The following VIPR2 variants were observed in gnomAD, a reference collection of about 807,000 sequenced individuals.
VIPR2 encodes the protein vasoactive intestinal peptide receptor 2.
VIPR2 carries 48 observed loss-of-function variants against 58.0 expected under a neutral mutation model. The observed-to-expected ratio is 0.83, with a 90% CI of 0.66 to 1.05. VIPR2 has a LOEUF of 1.05. Ranked by LOEUF, VIPR2 falls within the 50% of genes least tolerant of loss-of-function variation. The pLI is 0.00. For missense variants in VIPR2, 534 were observed against 558.0 expected (o/e 0.96, Z 0.43); for synonymous variants, 243 against 235.2 (o/e 1.03, Z -0.30).
At chr7:159,062,161 C>T (rs2129494167) in intron 4 of VIPR2, among the ~76,000 whole-genome samples, 1 of 152,276 alleles carries the variant, frequency 6.6e-6, no homozygotes, top group Admixed American at 6.5e-5. Flanking sequence ...GCGGGCCTTC[C>T]CGACGGAGAC....
At chr7:159,138,271 G>C (rs963458025) in intron 2 of VIPR2, among the ~76,000 whole-genome samples, 7 of 152,204 alleles carry the variant, frequency 4.6e-5, no homozygotes, top group African/African-American at 1.4e-4. Context: ...CTCTGACAAA[G>C]AGAAACAAGC....
At chr7:159,062,536 C>CATTCCTCCCGCCCAGAGTTACTT (rs1855753119) in intron 4 of VIPR2, among the ~76,000 whole-genome samples, 1 of 152,006 alleles carries the variant, frequency 6.6e-6, no homozygotes, top group African/African-American at 2.4e-5. Context: ...TGGAGTTGTT[C>CATTCCTCCCGCCCAGAGTTACTT]ATTCCTCCCG....
intron 2 of VIPR2, among the ~76,000 whole-genome samples, chr7:159,131,826 C>A (rs1211107566): frequency 6.6e-6 from 1 of 152,192 alleles, no homozygotes; most frequent in South Asian, 2.1e-4. Context: ...AGTCAGGTCT[C>A]AAATTACCTC....
chr7:159,144,783 C>CGT lies in VIPR2; in HGVS notation c.-14_-13dup, dbSNP rs921617919. ...AGCAGCGTCCGCATCCCGAGCTCAG[C>CGT]GTGCCGGGGGCCGCCCAGCGCCCGC... is the stretch of plus-strand genomic sequence containing the variant. On this transcript the variant is annotated 5_prime_UTR_variant, in exon 1 of 13. An upstream open reading frame in the 5' UTR loses its in-frame stop. Transcript: ENST00000262178. 1 of 1,245,846 alleles carries CGT rather than the reference C, an allele frequency of 8.0e-7. No homozygotes were observed. The highest frequency in any genetic ancestry group is 1.6e-5 in the African/African-American group (1 of 64,438). The allele number at this position is 1,245,846 out of a possible 1,614,324, so 77.2% of individuals were successfully genotyped here. A position where few individuals can be genotyped will look rare whatever the true frequency, so the allele number is the denominator to read the frequency against.
At position 159,135,004 on chromosome 7, in the gene VIPR2, G is replaced by GTTTTTTTTTTTTTTT. The variant is rs747914292; in HGVS notation, c.151+7427_151+7441dup. Among the ~76,000 whole-genome samples, 53 of 65,936 alleles carry GTTTTTTTTTTTTTTT rather than the reference G, an allele frequency of 8.0e-4. 1 individual carries two copies. Among genetic ancestry groups the GTTTTTTTTTTTTTTT allele is most frequent in the Non-Finnish European group, 1.0e-3 (37 of 35,280 alleles). 43.3% of individuals were successfully genotyped at this position (65,936 alleles called of 152,430 possible). ...TATTGGTCTTCTCTTAATTACAAAA[G>GTTTTTTTTTTTTTTT]TTTTTTTTTTTTTTTTTTTTTTTTT... On this transcript the variant is annotated intron_variant, in intron 2 of 12. Transcript: ENST00000262178.
Position 159,096,511 on chromosome 7 carries a change from C to G in VIPR2, c.357+7246G>C, listed in dbSNP as rs1007529507. Among the ~76,000 whole-genome samples the G allele has an allele frequency of 6.6e-6, 1 of 152,220 alleles. No homozygotes were observed. Among genetic ancestry groups the G allele is most frequent in the Non-Finnish European group, 1.5e-5 (1 of 68,034 alleles). ...CTCCCTCCCATTAGGAGAATCTTCC[C>G]TAGCGGATTCCTTTAGAACTTAAAG... is the stretch of plus-strand genomic sequence containing the variant. On this transcript the variant is annotated intron_variant, in intron 4 of 12. Transcript: ENST00000262178. This position sits in a 1 kb window ranked among gnomAD's most constrained non-coding sequence, Gnocchi z 5.5.
intron 4 of VIPR2, among the ~76,000 whole-genome samples, chr7:159,082,725 AACAG>A (rs989770877): frequency 5.9e-5 from 9 of 152,208 alleles, no homozygotes; most frequent in African/African-American, 2.4e-5. Flanking sequence ...CTGTGCTGAA[AACAG>A]ACAGACAGAC....
chr7:159,140,766 A>G (rs905130771), intron 2 of VIPR2, among the ~76,000 whole-genome samples: 1 of 152,134 alleles, frequency 6.6e-6, no homozygotes, highest in Non-Finnish European at 1.5e-5. Flanking sequence ...CTAGCGCCCG[A>G]TATGACTCAC....
Position 159,049,458 on chromosome 7 carries a change from T to A in VIPR2, c.456-6282A>T, listed in dbSNP as rs541566640. On this transcript the variant is annotated intron_variant, in intron 5 of 12. Transcript: ENST00000262178. ...CTCCAGGGCCTCCGTGGGTATCTGCTGCTTTAGCTCTCCGGGCACAGAGGG... is the reference window on the plus strand; with the variant it reads ...CTCCAGGGCCTCCGTGGGTATCTGCAGCTTTAGCTCTCCGGGCACAGAGGG... Among the ~76,000 whole-genome samples the A allele has an allele frequency of 2.0e-5, 3 of 152,250 alleles. No homozygotes were observed. In the South Asian group the frequency reaches 6.2e-4, roughly 32 times the overall value.
chr7:159,074,240 G>C (rs1856538526), intron 4 of VIPR2, among the ~76,000 whole-genome samples: 1 of 152,180 alleles, frequency 6.6e-6, no homozygotes, highest in African/African-American at 2.4e-5. Context: ...GGAATAAACT[G>C]AGCGGAAAAT....
At chr7:159,066,353 G>T (rs1856091267) in intron 4 of VIPR2, among the ~76,000 whole-genome samples, 1 of 151,780 alleles carries the variant, frequency 6.6e-6, no homozygotes, top group Admixed American at 6.6e-5. Context: ...GGGATTCCAG[G>T]ATGCCTGTTC....
At chr7:159,088,308 G>A (rs528336175) in intron 4 of VIPR2, among the ~76,000 whole-genome samples, 1 of 152,142 alleles carries the variant, frequency 6.6e-6, no homozygotes, top group East Asian at 1.9e-4. Flanking sequence ...CATACCCACT[G>A]CAGCACACCT....
chr7:159,035,428 T>C (rs1268775794), intron 8 of VIPR2, among the ~76,000 whole-genome samples: 2 of 152,232 alleles, frequency 1.3e-5, no homozygotes. Flanking sequence ...TAGCAGTGGG[T>C]AACTGATGCA....
intron 4 of VIPR2, among the ~76,000 whole-genome samples, chr7:159,072,727 T>C (rs1856470240): frequency 6.6e-6 from 1 of 152,162 alleles, no homozygotes; most frequent in Admixed American, 6.5e-5. Context: ...TTAAGGAGAG[T>C]AAGTTTTAAA....
At position 159,099,602 on chromosome 7, in the gene VIPR2, C is replaced by G. The variant is rs1359931030; in HGVS notation, c.357+4155G>C. Among the ~76,000 whole-genome samples the G allele has an allele frequency of 6.6e-6, 1 of 152,192 alleles. No homozygotes were observed. Among genetic ancestry groups the G allele is most frequent in the African/African-American group, 2.4e-5 (1 of 41,444 alleles). Reference sequence around the variant, plus strand: ...AGGAGAGAATGAACGACGGAGCCTGCACATACGGGGCTCTGGGTGACGCTG... The same window carrying G: ...AGGAGAGAATGAACGACGGAGCCTGGACATACGGGGCTCTGGGTGACGCTG... On this transcript the variant is annotated intron_variant, in intron 4 of 12. Coordinates refer to ENST00000262178, the MANE Select transcript of VIPR2 (RefSeq NM_003382.5). The surrounding 1 kb of genome is among the most constrained non-coding windows in gnomAD (Gnocchi z 4.2).
chr7:159,043,691 C>T lies in VIPR2; in HGVS notation c.456-515G>A, dbSNP rs371100835. 1.2e-4 allele frequency among the ~76,000 whole-genome samples: 19 copies of T among 152,310 alleles called. No individual in the cohort carries two copies. The East Asian group carries it at 3.5e-3, about 28-fold the overall frequency. On this transcript the variant is annotated intron_variant, in intron 5 of 12. Coordinates refer to ENST00000262178, the MANE Select transcript of VIPR2 (RefSeq NM_003382.5). ...ATTTTGAAGACAGAAGCTCATGTTCCTATTGTGGGTACTTGGTCCTGGAGA... is the reference window on the plus strand; with the variant it reads ...ATTTTGAAGACAGAAGCTCATGTTCTTATTGTGGGTACTTGGTCCTGGAGA...
chr7:159,036,812 G>T lies in VIPR2; in HGVS notation c.688C>A (p.Leu230Ile), dbSNP rs1433751027. The T allele has an allele frequency of 6.2e-7, 1 of 1,614,004 alleles. No individual in the cohort carries two copies. Among genetic ancestry groups the T allele is most frequent in the Non-Finnish European group, 8.5e-7 (1 of 1,179,984 alleles). ...CTAGGGGGGAGCATGGCCACCAGGA[G>T]GGTGTGGAGGTAGAGCCCCTCCACC... ...LLVEGLYLHT[L>I]LVAMLPPRRC... Residue 230 changes from leucine (L) to isoleucine (I), a missense_variant, in exon 7 of 13, where the codon CTC (leucine) becomes ATC (isoleucine). Coordinates refer to ENST00000262178, the MANE Select transcript of VIPR2 (RefSeq NM_003382.5).
chr7:159,097,071 G>A lies in VIPR2; in HGVS notation c.357+6686C>T, dbSNP rs1857903207. On this transcript the variant is annotated intron_variant, in intron 4 of 12. Coordinates refer to ENST00000262178, the MANE Select transcript of VIPR2 (RefSeq NM_003382.5). The surrounding 1 kb of genome is among the most constrained non-coding windows in gnomAD (Gnocchi z 5.3). The stretch of plus-strand genomic sequence containing the variant: ...CTGGCAGGCTCCTCCTGGCACCCTG[G>A]GAGGCTGGTGTGTCCTTGCAGGGTT... 2 of 1,543,778 alleles carry A rather than the reference G, an allele frequency of 1.3e-6. No homozygotes were observed. Among genetic ancestry groups the A allele is most frequent in the Non-Finnish European group, 8.8e-7 (1 of 1,142,774 alleles).
chr7:159,065,261 C>T (rs1856015696), intron 4 of VIPR2, among the ~76,000 whole-genome samples: 1 of 152,222 alleles, frequency 6.6e-6, no homozygotes, highest in Non-Finnish European at 1.5e-5. Context: ...CTGCTGTTCC[C>T]TCTGCCCGCC....
Sources: gnomAD v4.1 joint callset for allele counts (sites outside exome capture counted in the v4.1 genomes callset) on GRCh38, gnomAD v4.1.1 for gene constraint, Gnocchi (gnomAD v3.1) non-coding constraint, MANE v1.5 for transcripts, NCBI Gene and HGNC (gene_info 2026-07-23, HGNC 2026-07-21) for gene names.